PTPN20: variants seen among roughly 807,000 people sequenced by gnomAD.
PTPN20 encodes the protein protein tyrosine phosphatase non-receptor type 20.
A neutral mutation model predicts 35.0 loss-of-function variants in PTPN20; 9 were observed. The ratio of observed to expected loss-of-function variants is 0.26; its 90% CI spans 0.15 to 0.45. The LOEUF is 0.45. PTPN20 is among the 20% of genes least tolerant of loss of function. The pLI, the probability that PTPN20 is intolerant of heterozygous loss-of-function variation, is 1.00. For missense variants in PTPN20, 111 were observed against 312.5 expected (o/e 0.36, Z 4.86); for synonymous variants, 32 against 100.2 (o/e 0.32, Z 4.06).
rs1437299088 is a variant in PTPN20 at position 47,000,793 on chromosome 10, C to A, written c.*52C>A. The A allele has an allele frequency of 1.3e-6, 2 of 1,599,968 alleles. No homozygotes were observed. The highest frequency in any genetic ancestry group is 1.7e-6 in the Non-Finnish European group (2 of 1,167,472). ...AAATTACCAAGTGGGTTTGCACCTC[C>A]TCATAAAGAACATGTTTGCACTGTG... On this transcript the variant is annotated 3_prime_UTR_variant, in exon 11 of 11. Transcript: ENST00000374339.
intron 5 of PTPN20, among the ~76,000 whole-genome samples, chr10:46,956,214 ATTG>A (rs1555152621): frequency 1.2e-5 from 1 of 82,268 alleles, no homozygotes; most frequent in Admixed American, 1.4e-4. Context: ...AATTATTTTT[ATTG>A]TTGTAAATCT....
At chr10:47,002,682 A>G (rs1364201704), downstream of PTPN20, among the ~76,000 whole-genome samples, 1 of 152,002 alleles carries the variant, frequency 6.6e-6, no homozygotes, top group East Asian at 1.9e-4. Context: ...ATATAAGCAT[A>G]TATATATTTA....
At chr10:46,996,816 A>G (rs1008548362) in intron 9 of PTPN20, among the ~76,000 whole-genome samples, 2,279 of 152,244 alleles carry the variant, frequency 0.015, 36 homozygotes, top group Middle Eastern at 0.037. Context: ...CTGGTTCCGT[A>G]TTCTGTTCTA....
intron 2 of PTPN20, among the ~76,000 whole-genome samples, chr10:46,937,306 T>A (rs1440303019): frequency 6.7e-6 from 1 of 148,616 alleles, no homozygotes; most frequent in Non-Finnish European, 1.5e-5. Flanking sequence ...TTCTCTGGCA[T>A]TTTTTCTTTT....
chr10:46,997,421 A>G (rs1468698023), intron 9 of PTPN20, among the ~76,000 whole-genome samples: 3 of 151,138 alleles, frequency 2.0e-5, no homozygotes, highest in South Asian at 2.1e-4. Flanking sequence ...TGCCATGTGC[A>G]TATAGATTTG....
chr10:46,920,435 C>G (rs2034693232), intron 1 of PTPN20, among the ~76,000 whole-genome samples: 1 of 147,678 alleles, frequency 6.8e-6, no homozygotes, highest in Non-Finnish European at 1.5e-5. Flanking sequence ...TCGTGTAAGA[C>G]AGGTAGATGT....
chr10:46,996,560 A>G (rs980764022), intron 9 of PTPN20, among the ~76,000 whole-genome samples: 3 of 152,180 alleles, frequency 2.0e-5, no homozygotes, highest in Admixed American at 6.5e-5. Flanking sequence ...ACAGCTCATC[A>G]CTTAGCTGAG....
chr10:46,997,905 C>A (rs953327334), intron 9 of PTPN20, among the ~76,000 whole-genome samples: 6 of 152,000 alleles, frequency 3.9e-5, no homozygotes, highest in Admixed American at 6.6e-5. Flanking sequence ...AGTGACAGCA[C>A]CCCATGCTGA....
At chr10:47,003,282 G>A (rs1016887707), downstream of PTPN20, among the ~76,000 whole-genome samples, 1 of 138,598 alleles carries the variant, frequency 7.2e-6, no homozygotes, top group Non-Finnish European at 1.6e-5. Context: ...CATCAAATTT[G>A]TAGGTGAAAA....
chr10:46,992,545 A>AT (rs1379911109), intron 9 of PTPN20, among the ~76,000 whole-genome samples: 7,442 of 152,182 alleles, frequency 0.049, 580 homozygotes, highest in African/African-American at 0.17. Flanking sequence ...GTATTATGAA[A>AT]TTTCTGTAGT....
chr10:46,947,174 T>G (rs1446387741), intron 5 of PTPN20, among the ~76,000 whole-genome samples: 1 of 143,990 alleles, frequency 6.9e-6, no homozygotes, highest in African/African-American at 2.5e-5. Flanking sequence ...TAAATGTAAT[T>G]AGAACTATGA....
At chr10:46,920,587 CTA>C (rs1324290095) in intron 1 of PTPN20, among the ~76,000 whole-genome samples, 1 of 142,686 alleles carries the variant, frequency 7.0e-6, no homozygotes, top group Non-Finnish European at 1.5e-5. Context: ...CCCAGAGTTT[CTA>C]TGTTTTGTGT....
intron 1 of PTPN20, among the ~76,000 whole-genome samples, chr10:46,931,018 ATT>A: frequency 1.2e-5 from 1 of 86,598 alleles, no homozygotes; most frequent in Non-Finnish European, 2.1e-5. Flanking sequence ...CAATGTATTA[ATT>A]AGTGAAGAAA....
At chr10:46,949,096 C>T (rs1339220653) in intron 5 of PTPN20, among the ~76,000 whole-genome samples, 2 of 151,878 alleles carry the variant, frequency 1.3e-5, no homozygotes, top group Non-Finnish European at 1.5e-5. Context: ...CCTCCTCCTG[C>T]AGTGTAAGGC....
chr10:46,940,199 AAAT>A (rs2043000507), intron 2 of PTPN20, among the ~76,000 whole-genome samples: 1 of 148,596 alleles, frequency 6.7e-6, no homozygotes, highest in African/African-American at 2.5e-5. Flanking sequence ...TATGAATTAT[AAAT>A]AATACAAGAA....
In PTPN20 at chr10:46,999,988, A is replaced by G; in HGVS notation, c.1197+14A>G. ...GTTCAAACGAAGGTAAGCTTTCACC[A>G]CATACATAATAATAAGAATAATGAA... On this transcript the variant is annotated intron_variant, in intron 10 of 10. Transcript: ENST00000374339. 1.9e-6 allele frequency: 3 copies of G among 1,613,704 alleles called. No individual in the cohort carries two copies. The highest frequency in any genetic ancestry group is 2.5e-6 in the Non-Finnish European group (3 of 1,179,664).
chr10:46,995,084 A>C (rs2058798310), intron 9 of PTPN20, among the ~76,000 whole-genome samples: 1 of 152,132 alleles, frequency 6.6e-6, no homozygotes, highest in Non-Finnish European at 1.5e-5. Context: ...ATTTTTGATC[A>C]GGGAGCTCTT....
At chr10:46,935,881 C>T (rs2041446365) in intron 2 of PTPN20, among the ~76,000 whole-genome samples, 1 of 152,024 alleles carries the variant, frequency 6.6e-6, no homozygotes, top group African/African-American at 2.4e-5. Context: ...ATCTCCAAAC[C>T]ACATTCCACA....
At chr10:46,995,338 T>TC (rs1392129033) in intron 9 of PTPN20, among the ~76,000 whole-genome samples, 7 of 146,000 alleles carry the variant, frequency 4.8e-5, no homozygotes, top group South Asian at 2.2e-4. Flanking sequence ...TTTTTCTTTT[T>TC]TTTTTTTTTT....
Sources: gnomAD v4.1 joint callset for allele counts (sites outside exome capture counted in the v4.1 genomes callset) on GRCh38, gnomAD v4.1.1 for gene constraint, MANE v1.5 for transcripts, NCBI Gene and HGNC (gene_info 2026-07-23, HGNC 2026-07-21) for gene names.